PPP1R12A: variants seen among roughly 807,000 people sequenced by gnomAD.
The protein encoded by PPP1R12A is protein phosphatase 1 regulatory subunit 12A, also known as myosin binding subunit.
A neutral mutation model predicts 139.6 loss-of-function variants in PPP1R12A; 19 were observed. The ratio of observed to expected loss-of-function variants is 0.14; its 90% CI spans 0.09 to 0.20. The LOEUF (loss-of-function observed/expected upper bound fraction) is 0.20. Ranked by LOEUF, PPP1R12A falls within the 10% of genes least tolerant of loss-of-function variation. The pLI is 1.00. For missense variants in PPP1R12A, 925 were observed against 1,211.5 expected (o/e 0.76, Z 3.51); for synonymous variants, 427 against 420.6 (o/e 1.02, Z -0.19).
chr12:79,876,802 C>G (rs1346951870), intron 1 of PPP1R12A, among the ~76,000 whole-genome samples: 1 of 152,002 alleles, frequency 6.6e-6, no homozygotes, highest in Admixed American at 6.6e-5. Context: ...ATGAGATCAG[C>G]AGATCAAGAC....
At chr12:79,842,259 A>G (rs1244459734) in intron 3 of PPP1R12A, among the ~76,000 whole-genome samples, 1 of 152,194 alleles carries the variant, frequency 6.6e-6, no homozygotes, top group East Asian at 1.9e-4. Context: ...GGTTGAGGCT[A>G]TAGTGAGCCA....
chr12:79,817,596 T>G, intron 8 of PPP1R12A, 78 bp from the exon 9 acceptor site: 7 of 1,363,334 alleles, frequency 5.1e-6, no homozygotes, highest in Non-Finnish European at 6.9e-6. Context: ...CATTTTATAT[T>G]CCATTTTTGT....
At chr12:79,872,193 T>C (rs1461533258) in intron 2 of PPP1R12A, among the ~76,000 whole-genome samples, 1 of 152,192 alleles carries the variant, frequency 6.6e-6, no homozygotes, top group Non-Finnish European at 1.5e-5. Context: ...AACTGTTTAC[T>C]GTGTGGATAG....
At chr12:79,867,317 G>T (rs940744643) in intron 2 of PPP1R12A, among the ~76,000 whole-genome samples, 1 of 152,078 alleles carries the variant, frequency 6.6e-6, no homozygotes, top group African/African-American at 2.4e-5. Context: ...CAGGGTCTGT[G>T]GGGGGTGGGG....
In PPP1R12A at chr12:79,795,769, AT is replaced by A; in HGVS notation, c.2462-11del. On this transcript the variant is annotated splice_polypyrimidine_tract_variant and intron_variant, in intron 17 of 24. Coordinates refer to ENST00000450142, the MANE Select transcript of PPP1R12A (RefSeq NM_002480.3). ...TCTCTTTTTTCTCCCTCTGTTAAGGATTGCAATGAACCACAATATAGCAATA... is the reference window on the plus strand; with the variant it reads ...TCTCTTTTTTCTCCCTCTGTTAAGGATGCAATGAACCACAATATAGCAATA... 6.2e-7 allele frequency: 1 copy of A among 1,607,072 alleles called. No homozygotes were observed. Among genetic ancestry groups the A allele is most frequent in the Non-Finnish European group, 8.5e-7 (1 of 1,176,872 alleles).
At chr12:79,930,836 G>T (rs1888199580) in intron 1 of PPP1R12A, among the ~76,000 whole-genome samples, 1 of 152,172 alleles carries the variant, frequency 6.6e-6, no homozygotes, top group Non-Finnish European at 1.5e-5. Context: ...AAGTGGCAAA[G>T]AAAAGAACTG....
intron 22 of PPP1R12A, among the ~76,000 whole-genome samples, chr12:79,784,257 C>T (rs1870828142): frequency 1.3e-5 from 2 of 152,070 alleles, no homozygotes; most frequent in African/African-American, 4.8e-5. Flanking sequence ...ATCAGTTTTA[C>T]TTTTATGAAT....
In PPP1R12A at chr12:79,806,530, T is replaced by C. The variant is rs573993196; in HGVS notation, c.1656-197A>G. ...AGATTTCACTTAATTCGGTAGTGTA[T>C]CATTTTAGTGCCTCCTCCCAACTTT... On this transcript the variant is annotated intron_variant, in intron 12 of 24. Transcript: ENST00000450142. Among the ~76,000 whole-genome samples the C allele has an allele frequency of 3.3e-5, 5 of 152,276 alleles. No individual in the cohort carries two copies. The South Asian group carries it at 1.0e-3, about 32-fold the overall frequency.
intron 14 of PPP1R12A, among the ~76,000 whole-genome samples, chr12:79,801,886 T>C (rs1233593301): frequency 6.6e-6 from 1 of 151,998 alleles, no homozygotes; most frequent in African/African-American, 2.4e-5. Context: ...CAAGAGGGAG[T>C]TTTACTTGAA....
At chr12:79,882,462 C>T (rs1429711761) in intron 1 of PPP1R12A, among the ~76,000 whole-genome samples, 1 of 152,188 alleles carries the variant, frequency 6.6e-6, no homozygotes, top group East Asian at 1.9e-4. Flanking sequence ...GAGGATGTGA[C>T]TGAATTGCTG....
chr12:79,907,560 C>A (rs1407913928), intron 1 of PPP1R12A, among the ~76,000 whole-genome samples: 2 of 152,146 alleles, frequency 1.3e-5, no homozygotes, highest in Non-Finnish European at 2.9e-5. Flanking sequence ...TCTACAATTG[C>A]CTACTTTCAC....
In PPP1R12A at chr12:79,805,853, T is replaced by A. The variant is rs1377981521; in HGVS notation, c.1824-85A>T. On this transcript the variant is annotated intron_variant, in intron 13 of 24. Transcript: ENST00000450142. ...GCACTTTCTAGCAGCTGAAAACACA[T>A]GACTACAGGGATGGATTTTTTTAAA... 69 of 1,372,788 alleles carry A rather than the reference T, an allele frequency of 5.0e-5. No individual in the cohort carries two copies. In the East Asian group the frequency reaches 1.6e-3, roughly 33 times the overall value. 85.0% of individuals were successfully genotyped at this position (1,372,788 alleles called of 1,614,324 possible). A position where few individuals can be genotyped will look rare whatever the true frequency, so the allele number is the denominator to read the frequency against.
intron 1 of PPP1R12A, among the ~76,000 whole-genome samples, chr12:79,916,056 G>C (rs1325417625): frequency 1.4e-5 from 2 of 139,912 alleles, no homozygotes; most frequent in Admixed American, 6.8e-5. Flanking sequence ...TTGACATCTA[G>C]TGTTCAACAC....
At chr12:79,879,045 G>A (rs1015534566) in intron 1 of PPP1R12A, among the ~76,000 whole-genome samples, 1 of 151,968 alleles carries the variant, frequency 6.6e-6, no homozygotes, top group South Asian at 2.1e-4. Flanking sequence ...AAAAATTCAA[G>A]AAGTTCTTTC....
At chr12:79,807,109 C>T (rs1043564912) in intron 12 of PPP1R12A, 117 bp downstream of exon 12, 59 of 579,336 alleles carry the variant, frequency 1.0e-4, no homozygotes, top group East Asian at 4.1e-4. Flanking sequence ...AACAAAAACT[C>T]GTATTTAATA....
chr12:79,932,298 A>G (rs189911445), intron 1 of PPP1R12A, among the ~76,000 whole-genome samples: 15 of 152,280 alleles, frequency 9.9e-5, no homozygotes, highest in African/African-American at 3.4e-4. Context: ...TGTGGTTTTT[A>G]ATTTTATTTA....
At chr12:79,809,351 T>G (rs2137068718) in intron 10 of PPP1R12A, among the ~76,000 whole-genome samples, 1 of 152,232 alleles carries the variant, frequency 6.6e-6, no homozygotes, top group African/African-American at 2.4e-5. Flanking sequence ...GTTATTAAAT[T>G]TACTCATTAA....
At chr12:79,910,469 TCAAA>T (rs1157556632) in intron 1 of PPP1R12A, among the ~76,000 whole-genome samples, 53 of 55,228 alleles carry the variant, frequency 9.6e-4, no homozygotes, top group African/African-American at 4.5e-3. Flanking sequence ...CACGACTCCG[TCAAA>T]TAAATAAATA....
At chr12:79,844,923 C>T (rs746343791) in intron 3 of PPP1R12A, among the ~76,000 whole-genome samples, 8 of 152,180 alleles carry the variant, frequency 5.3e-5, no homozygotes, top group Non-Finnish European at 1.2e-4. Flanking sequence ...CTCATTCCCT[C>T]ATTGTATTCA....
Sources: allele counts gnomAD v4.1 joint callset (sites outside exome capture counted in the v4.1 genomes callset), GRCh38; gene constraint gnomAD v4.1.1; transcripts MANE v1.5; gene names NCBI Gene and HGNC (gene_info 2026-07-23, HGNC 2026-07-21).